The following FRMPD4 variants were observed in gnomAD, a reference collection of about 807,000 sequenced individuals.
The protein encoded by FRMPD4 is FERM and PDZ domain containing 4.
In FRMPD4, 22 loss-of-function variants were observed where a neutral mutation model predicts 94.1. The ratio of observed to expected loss-of-function variants is 0.23; its 90% CI spans 0.17 to 0.33. FRMPD4 has a LOEUF of 0.33. FRMPD4 is among the 10% of genes least tolerant of loss of function. The probability of loss-of-function intolerance (pLI) is 1.00; values close to 1 mark genes in which losing one functional copy is unlikely to be tolerated. For missense variants in FRMPD4, 1,111 were observed against 1,339.9 expected (o/e 0.83, Z 2.67); for synonymous variants, 631 against 548.6 (o/e 1.15, Z -2.10).
At chrX:12,643,667 A>G (rs7884003) in intron 4 of FRMPD4, among the ~76,000 whole-genome samples, 5,515 of 111,900 alleles carry the variant, frequency 0.049, 351 homozygotes, top group African/African-American at 0.17. Flanking sequence ...GAAATGAAGT[A>G]TAACTCCCAA....
chrX:12,115,701 G>A (rs893696467), intron 3 of FRMPD4, among the ~76,000 whole-genome samples: 2 of 109,313 alleles, frequency 1.8e-5, no homozygotes, highest in Admixed American at 9.8e-5. Context: ...GAATTTTGTA[G>A]GTGTGAGATT....
At chrX:12,116,695 G>A (rs2147530574) in intron 3 of FRMPD4, among the ~76,000 whole-genome samples, 1 of 111,912 alleles carries the variant, frequency 8.9e-6, no homozygotes, top group South Asian at 3.8e-4. Flanking sequence ...GATTGCTACA[G>A]GGCATTTTTG....
At chrX:12,438,007 A>G (rs771736786) in intron 1 of FRMPD4, among the ~76,000 whole-genome samples, 1 of 111,969 alleles carries the variant, frequency 8.9e-6, no homozygotes, top group East Asian at 2.8e-4. Context: ...CCTAGAAAAT[A>G]AGGCAGAGAA....
chrX:12,403,561 G>A (rs1013992309), intron 1 of FRMPD4, among the ~76,000 whole-genome samples: 17 of 110,292 alleles, frequency 1.5e-4, no homozygotes, highest in African/African-American at 5.0e-4. Flanking sequence ...CCTGCCCGCC[G>A]CCCACCACAA....
At chrX:12,260,497 C>G (rs1361545416) in intron 1 of FRMPD4, among the ~76,000 whole-genome samples, 1 of 111,980 alleles carries the variant, frequency 8.9e-6, no homozygotes, top group African/African-American at 3.2e-5. Flanking sequence ...CATAAATTGC[C>G]TAGTTCTGTC....
intron 1 of FRMPD4, among the ~76,000 whole-genome samples, chrX:12,486,453 G>A (rs1602013239): frequency 8.9e-6 from 1 of 112,412 alleles, no homozygotes; most frequent in South Asian, 3.7e-4. Flanking sequence ...TCTAATAAAG[G>A]TAACAGCTAG....
intron 2 of FRMPD4, among the ~76,000 whole-genome samples, chrX:12,522,502 A>G (rs920484474): frequency 9.0e-6 from 1 of 111,601 alleles, no homozygotes; most frequent in Non-Finnish European, 1.9e-5. Flanking sequence ...GCTCTTTACA[A>G]AACTAAATTG....
intron 1 of FRMPD4, among the ~76,000 whole-genome samples, chrX:11,827,297 C>T (rs985876337): frequency 4.6e-5 from 5 of 108,504 alleles, no homozygotes; most frequent in African/African-American, 6.7e-5. Context: ...TGAATACTCA[C>T]GGCCATGTGA....
At chrX:11,845,680 A>C (rs1275256561) in intron 1 of FRMPD4, among the ~76,000 whole-genome samples, 16 of 106,909 alleles carry the variant, frequency 1.5e-4, no homozygotes, top group South Asian at 1.3e-3. Context: ...GCTTATCCAC[A>C]ATGATCAAGT....
intron 1 of FRMPD4, among the ~76,000 whole-genome samples, chrX:12,451,709 C>A (rs941663837): frequency 4.9e-5 from 5 of 101,090 alleles, no homozygotes; most frequent in African/African-American, 1.1e-4. Context: ...ACTATTGATA[C>A]CCTCAGTGAT....
intron 1 of FRMPD4, among the ~76,000 whole-genome samples, chrX:12,397,940 A>G (rs1250953214): frequency 1.8e-5 from 2 of 111,597 alleles, no homozygotes; most frequent in Non-Finnish European, 3.8e-5. Context: ...AAAAGTTGTT[A>G]AAGATGTTTA....
intron 2 of FRMPD4, among the ~76,000 whole-genome samples, chrX:12,513,405 G>A (rs1569308409): frequency 8.9e-6 from 1 of 111,797 alleles, no homozygotes; most frequent in Non-Finnish European, 1.9e-5. Context: ...AAGATCTAAG[G>A]AAGGGGTCCA....
At chrX:12,472,483 C>T (rs931961470) in intron 1 of FRMPD4, among the ~76,000 whole-genome samples, 2 of 111,923 alleles carry the variant, frequency 1.8e-5, no homozygotes, top group African/African-American at 3.2e-5. Context: ...AGCAGAGATA[C>T]GCATAGGCTC....
At chrX:11,924,810 G>A (rs1481384301) in intron 3 of FRMPD4, among the ~76,000 whole-genome samples, 1 of 111,752 alleles carries the variant, frequency 8.9e-6, no homozygotes, top group Non-Finnish European at 1.9e-5. Context: ...ACACACTGAA[G>A]TACACAGACC....
intron 4 of FRMPD4, among the ~76,000 whole-genome samples, chrX:12,651,339 A>ATTTT (rs5901482): frequency 1.2e-5 from 1 of 84,845 alleles, no homozygotes; most frequent in Non-Finnish European, 2.3e-5. Flanking sequence ...ACCCACTAGG[A>ATTTT]TTTTTTTTTT....
intron 3 of FRMPD4, among the ~76,000 whole-genome samples, chrX:11,994,930 A>T (rs2054488703): frequency 9.0e-6 from 1 of 111,370 alleles, no homozygotes; most frequent in Non-Finnish European, 1.9e-5. Flanking sequence ...TCATTGTTGC[A>T]TATTTGATGT....
intron 3 of FRMPD4, among the ~76,000 whole-genome samples, chrX:12,052,959 A>C (rs1231982253): frequency 9.0e-6 from 1 of 111,632 alleles, no homozygotes; most frequent in Non-Finnish European, 1.9e-5. Flanking sequence ...GTCAACATAC[A>C]GTGTATTCTA....
At chrX:11,916,776 C>G (rs1273496425) in intron 3 of FRMPD4, among the ~76,000 whole-genome samples, 1 of 111,621 alleles carries the variant, frequency 9.0e-6, no homozygotes, top group Non-Finnish European at 1.9e-5. Flanking sequence ...AGTGTCTATA[C>G]CATGAAGAGG....
chrX:12,668,936 T>C (rs974381501), intron 4 of FRMPD4, among the ~76,000 whole-genome samples: 3 of 111,850 alleles, frequency 2.7e-5, no homozygotes, highest in African/African-American at 9.8e-5. Flanking sequence ...TATGGATTAC[T>C]AAGCTAGAAG....
Sources: gnomAD v4.1 joint callset for allele counts (sites outside exome capture counted in the v4.1 genomes callset) on GRCh38, gnomAD v4.1.1 for gene constraint, MANE v1.5 for transcripts, NCBI Gene and HGNC (gene_info 2026-07-23, HGNC 2026-07-21) for gene names.